The following NKAIN3 variants were observed in gnomAD, a reference collection of about 807,000 sequenced individuals.
NKAIN3 encodes the protein sodium/potassium transporting ATPase interacting 3.
Under a neutral mutation model 30.2 loss-of-function variants are expected in NKAIN3, and 25 were observed. The ratio of observed to expected loss-of-function variants is 0.83; its 90% CI spans 0.60 to 1.16. NKAIN3 has a LOEUF of 1.16. NKAIN3 is among the 50% of genes most tolerant of loss of function. The pLI, the probability that NKAIN3 is intolerant of heterozygous loss-of-function variation, is 0.00. For missense variants in NKAIN3, 225 were observed against 254.1 expected (o/e 0.89, Z 0.78); for synonymous variants, 91 against 89.6 (o/e 1.02, Z -0.09).
chr8:62,974,994 C>T lies in NKAIN3; in HGVS notation c.*9587C>T, dbSNP rs1256583457. 6.6e-6 allele frequency among the ~76,000 whole-genome samples: 1 copy of T among 152,198 alleles called. No individual in the cohort carries two copies. The highest frequency in any genetic ancestry group is 1.9e-4 in the East Asian group (1 of 5,198). On this transcript the variant is annotated 3_prime_UTR_variant, in exon 7 of 7. Transcript: ENST00000623646. ...ATTTGCATATGTTGAAACAGCCTTG[C>T]ATCCCAGGGATGAAGCTGACTTGAT... is the stretch of plus-strand genomic sequence containing the variant.
chr8:62,330,717 G>A (rs1482736680), intron 1 of NKAIN3, among the ~76,000 whole-genome samples: 12 of 151,964 alleles, frequency 7.9e-5, no homozygotes. Flanking sequence ...TCTAATTAGA[G>A]TGTCCCTTCC....
At chr8:62,491,362 T>C (rs994899939) in intron 1 of NKAIN3, among the ~76,000 whole-genome samples, 11 of 152,150 alleles carry the variant, frequency 7.2e-5, no homozygotes, top group African/African-American at 2.7e-4. Context: ...CCATTGTTAT[T>C]TTGCCTAGAT....
intron 1 of NKAIN3, among the ~76,000 whole-genome samples, chr8:62,481,939 A>G (rs1241143031): frequency 6.6e-6 from 1 of 152,184 alleles, no homozygotes; most frequent in Non-Finnish European, 1.5e-5. Flanking sequence ...TGGCCACAGT[A>G]GCTCACCAGC....
At chr8:62,878,555 G>GCA (rs1820871750) in intron 4 of NKAIN3, among the ~76,000 whole-genome samples, 1 of 151,864 alleles carries the variant, frequency 6.6e-6, no homozygotes. Context: ...GGGTACATGT[G>GCA]CAACGTGCAG....
chr8:62,508,817 A>G (rs1245742199), intron 1 of NKAIN3, among the ~76,000 whole-genome samples: 1 of 152,206 alleles, frequency 6.6e-6, no homozygotes, highest in Non-Finnish European at 1.5e-5. Context: ...ACATAAATAC[A>G]GAAACATACA....
chr8:62,553,280 T>C (rs376192896), intron 1 of NKAIN3, among the ~76,000 whole-genome samples: 1 of 152,198 alleles, frequency 6.6e-6, no homozygotes, highest in Admixed American at 6.5e-5. Flanking sequence ...GATTGCCCAC[T>C]AAATATTTGC....
At position 62,784,305 on chromosome 8, in the gene NKAIN3, T is replaced by A. The variant is rs187178537; in HGVS notation, c.471+37176T>A. On this transcript the variant is annotated intron_variant, in intron 4 of 6. Coordinates refer to ENST00000623646, the MANE Select transcript of NKAIN3 (RefSeq NM_001304533.3). ...AAAGCAAAAACTAATAAAATAAAAATAGAAAAACAACAGGAAAAAATCAGT... is the reference window on the plus strand; with the variant it reads ...AAAGCAAAAACTAATAAAATAAAAAAAGAAAAACAACAGGAAAAAATCAGT... Among the ~76,000 whole-genome samples, 972 of 151,200 alleles carry A rather than the reference T, an allele frequency of 6.4e-3. 9 individuals are homozygous for A. Among genetic ancestry groups the A allele is most frequent in the African/African-American group, 0.022 (912 of 41,212 alleles).
chr8:62,592,958 G>A (rs1810702556), intron 3 of NKAIN3, among the ~76,000 whole-genome samples: 2 of 151,832 alleles, frequency 1.3e-5, no homozygotes, highest in Non-Finnish European at 1.5e-5. Context: ...GTAAAAACTG[G>A]CAATATTAAA....
At chr8:62,446,282 G>A (rs1805482884) in intron 1 of NKAIN3, among the ~76,000 whole-genome samples, 1 of 152,074 alleles carries the variant, frequency 6.6e-6, no homozygotes, top group South Asian at 2.1e-4. Context: ...AACACTGAAG[G>A]AAGAGTTAGT....
At chr8:62,670,873 AT>A (rs956846270) in intron 3 of NKAIN3, among the ~76,000 whole-genome samples, 6 of 122,582 alleles carry the variant, frequency 4.9e-5, no homozygotes, top group African/African-American at 2.0e-4. Context: ...TTATGTACAC[AT>A]ACAAGCACAC....
intron 1 of NKAIN3, among the ~76,000 whole-genome samples, chr8:62,415,758 TA>T (rs1804424261): frequency 6.7e-6 from 1 of 150,172 alleles, no homozygotes; most frequent in African/African-American, 2.4e-5. Context: ...GAATTATTAT[TA>T]TTATTATTAT....
intron 1 of NKAIN3, among the ~76,000 whole-genome samples, chr8:62,314,487 G>A (rs1814547837): frequency 6.6e-6 from 1 of 152,148 alleles, no homozygotes; most frequent in Non-Finnish European, 1.5e-5. Context: ...CTTGATTCTA[G>A]TGTATTCCTT....
intron 4 of NKAIN3, chr8:62,856,877 C>A (rs1452276528): frequency 1.2e-5 from 7 of 589,924 alleles, no homozygotes; most frequent in Non-Finnish European, 2.2e-5. Context: ...CTGATGTACA[C>A]ACTTTGGATA....
intron 4 of NKAIN3, among the ~76,000 whole-genome samples, chr8:62,866,059 TAGC>T (rs1820404572): frequency 6.6e-6 from 1 of 152,206 alleles, no homozygotes; most frequent in African/African-American, 2.4e-5. Flanking sequence ...CATAATAATT[TAGC>T]AGTCCCATTT....
At chr8:62,454,864 G>T (rs1462275312) in intron 1 of NKAIN3, among the ~76,000 whole-genome samples, 1 of 152,178 alleles carries the variant, frequency 6.6e-6, no homozygotes, top group Non-Finnish European at 1.5e-5. Flanking sequence ...AAGAATTCGA[G>T]GTCAGCAGCA....
intron 4 of NKAIN3, among the ~76,000 whole-genome samples, chr8:62,875,232 C>A (rs1192246080): frequency 3.9e-5 from 6 of 151,978 alleles, no homozygotes; most frequent in African/African-American, 1.5e-4. Context: ...ACAATGGCTA[C>A]AAAGAGAATA....
At chr8:62,903,216 C>T (rs769111216) in intron 4 of NKAIN3, among the ~76,000 whole-genome samples, 2 of 152,144 alleles carry the variant, frequency 1.3e-5, no homozygotes, top group African/African-American at 2.4e-5. Context: ...CATTTGGAGT[C>T]CAGGGTGCCA....
At chr8:62,593,695 C>CA (rs1214754670) in intron 3 of NKAIN3, among the ~76,000 whole-genome samples, 1 of 151,794 alleles carries the variant, frequency 6.6e-6, no homozygotes, top group South Asian at 2.1e-4. Flanking sequence ...AATCTTTCTA[C>CA]AAAAAAATCA....
intron 4 of NKAIN3, among the ~76,000 whole-genome samples, chr8:62,900,824 G>C (rs1297362727): frequency 6.6e-6 from 1 of 152,134 alleles, no homozygotes; most frequent in African/African-American, 2.4e-5. Flanking sequence ...AAGTTAAACT[G>C]AGATCTCTCT....
Sources: allele counts gnomAD v4.1 joint callset (sites outside exome capture counted in the v4.1 genomes callset), GRCh38; gene constraint gnomAD v4.1.1; transcripts MANE v1.5; gene names NCBI Gene and HGNC (gene_info 2026-07-23, HGNC 2026-07-21).